The following EDAR variants were observed in gnomAD, a reference collection of about 807,000 sequenced individuals.
The protein encoded by EDAR is tumor necrosis factor receptor superfamily member EDAR.
A neutral mutation model predicts 51.3 loss-of-function variants in EDAR; 38 were observed. The ratio of observed to expected loss-of-function variants is 0.74; its 90% CI spans 0.57 to 0.97. EDAR has a LOEUF of 0.97. EDAR is among the 50% of genes least tolerant of loss of function. The pLI, the probability that EDAR is intolerant of heterozygous loss-of-function variation, is 0.00. For missense variants in EDAR, 528 were observed against 595.0 expected, an observed-to-expected ratio of 0.89 and a Z score of 1.17; for synonymous variants, 227 against 242.1, an observed-to-expected ratio of 0.94 and a Z score of 0.58.
chr2:108,905,649 G>A (rs1005182474), intron 11 of EDAR, among the ~76,000 whole-genome samples: 1 of 152,178 alleles, frequency 6.6e-6, no homozygotes, highest in African/African-American at 2.4e-5. Flanking sequence ...GAGTCCAGCA[G>A]CAGGAAAACC....
chr2:108,984,238 C>G (rs1435566863), intron 1 of EDAR, among the ~76,000 whole-genome samples: 2 of 152,096 alleles, frequency 1.3e-5, no homozygotes, highest in Non-Finnish European at 2.9e-5. Context: ...GCCAAGCCAA[C>G]TCTCCCAGGA....
intron 1 of EDAR, among the ~76,000 whole-genome samples, chr2:108,974,329 C>CAAAAAAAAAAAAAAAAAAAAAAAA (rs11346592): frequency 1.6e-5 from 1 of 61,496 alleles, no homozygotes. Flanking sequence ...GGATCCGTCT[C>CAAAAAAAAAAAAAAAAAAAAAAAA]AAAAAAAAAA....
intron 1 of EDAR, among the ~76,000 whole-genome samples, chr2:108,951,633 G>T: frequency 6.6e-6 from 1 of 152,114 alleles, no homozygotes; most frequent in African/African-American, 2.4e-5. Flanking sequence ...CACTGGATCA[G>T]GATGGGGCCT....
intron 1 of EDAR, among the ~76,000 whole-genome samples, chr2:108,948,499 A>C (rs1697758036): frequency 6.6e-6 from 1 of 152,164 alleles, no homozygotes; most frequent in African/African-American, 2.4e-5. Context: ...AGACTGGGTA[A>C]TTTATAAAGA....
intron 1 of EDAR, among the ~76,000 whole-genome samples, chr2:108,937,713 GTGTA>G (rs1184229360): frequency 2.0e-5 from 3 of 152,110 alleles, no homozygotes. Context: ...GTGTATGTGT[GTGTA>G]TGTGTGTGTG....
chr2:108,974,393 C>T (rs1158688401), intron 1 of EDAR, among the ~76,000 whole-genome samples: 3 of 146,352 alleles, frequency 2.0e-5, no homozygotes, highest in African/African-American at 5.0e-5. Context: ...GTCTTAGACA[C>T]GATGGTACCC....
chr2:108,937,598 G>A (rs917177959), intron 1 of EDAR, among the ~76,000 whole-genome samples: 1 of 144,106 alleles, frequency 6.9e-6, no homozygotes, highest in Non-Finnish European at 1.5e-5. Flanking sequence ...ATTTGTATAT[G>A]AGTGTGTGTA....
chr2:108,985,484 T>C (rs1033848780), intron 1 of EDAR, among the ~76,000 whole-genome samples: 1 of 152,254 alleles, frequency 6.6e-6, no homozygotes, highest in Non-Finnish European at 1.5e-5. Context: ...ACGGCCCACC[T>C]GTTTTCCATA....
At position 108,896,544 on chromosome 2, in the gene EDAR, GACA is replaced by G. The variant is rs1696595492; in HGVS notation, c.*360_*362del. The G allele has an allele frequency of 4.3e-6, 1 of 234,040 alleles. No individual in the cohort carries two copies. Among genetic ancestry groups the G allele is most frequent in the African/African-American group, 2.2e-5 (1 of 45,198 alleles). The allele number at this position is 234,040 out of a possible 1,614,324, so 14.5% of individuals were successfully genotyped here. On this transcript the variant is annotated 3_prime_UTR_variant, in exon 12 of 12. Transcript: ENST00000258443. ...TCTACTGGAGTGCAAACTCCTTAAA[GACA>G]GGGACCAGATTCTTCACTTCTGTCA... is the stretch of plus-strand genomic sequence containing the variant.
At chr2:108,961,729 G>C (rs565659573) in intron 1 of EDAR, among the ~76,000 whole-genome samples, 1 of 152,148 alleles carries the variant, frequency 6.6e-6, no homozygotes, top group African/African-American at 2.4e-5. Flanking sequence ...GGAAAAGCCT[G>C]GGGAGGCTTC....
chr2:108,960,712 T>C (rs1415356608), intron 1 of EDAR, among the ~76,000 whole-genome samples: 2 of 152,256 alleles, frequency 1.3e-5, no homozygotes, highest in South Asian at 2.1e-4. Context: ...TCCTACCATA[T>C]GGAAACATTA....
rs138069099 is a variant in EDAR, at chr2:108,930,772, C to T, written c.51+192G>A. ...GAGACCCTATGAAGGGAGCTACCAA[C>T]GAAATCAATGTAACTTCAGCCTGGG... is the stretch of plus-strand genomic sequence containing the variant. On this transcript the variant is annotated intron_variant, in intron 2 of 11. Transcript: ENST00000258443. Among the ~76,000 whole-genome samples the T allele has an allele frequency of 7.3e-3, 1,110 of 152,304 alleles. 10 individuals are homozygous for T. The highest frequency in any genetic ancestry group is 0.026 in the African/African-American group (1,067 of 41,560).
intron 5 of EDAR, among the ~76,000 whole-genome samples, chr2:108,919,230 C>T (rs994924609): frequency 3.3e-5 from 5 of 152,186 alleles, no homozygotes; most frequent in Admixed American, 1.3e-4. Context: ...CACGGGAGTA[C>T]GCAGAGTAGC....
chr2:108,975,702 T>C (rs1433957220), intron 1 of EDAR, among the ~76,000 whole-genome samples: 1 of 152,100 alleles, frequency 6.6e-6, no homozygotes, highest in Admixed American at 6.6e-5. Flanking sequence ...GCCAGAGCCC[T>C]GTGGTGGTCG....
intron 1 of EDAR, among the ~76,000 whole-genome samples, chr2:108,936,834 A>G (rs1697478720): frequency 6.6e-6 from 1 of 152,224 alleles, no homozygotes; most frequent in Admixed American, 6.5e-5. Context: ...CCGGAGCAGG[A>G]GGAAAGCAGA....
At chr2:108,966,436 T>C (rs1574409678) in intron 1 of EDAR, among the ~76,000 whole-genome samples, 1 of 152,216 alleles carries the variant, frequency 6.6e-6, no homozygotes, top group Non-Finnish European at 1.5e-5. Context: ...GAGTGACTCC[T>C]CACAGGGCAC....
Position 108,910,837 on chromosome 2 carries a change from G to C in EDAR, c.669C>G (p.Ser223Arg). The change falls in exon 8 of 12, where the codon AGC becomes AGG. Residue 223 changes from serine (S) to arginine (R), a missense_variant. Ser to Arg is a moderately radical substitution (Grantham distance 110). Transcript: ENST00000258443. Reference protein sequence around the residue: ...TKPSAPACCTSHPGKSVEAQV... With the variant: ...TKPSAPACCTRHPGKSVEAQV... ...GGGCCTCCACGCTCTTCCCCGGGTG[G>C]CTGGTGCAACAGGCTGGGGAGAGAG... The C allele has an allele frequency of 6.2e-7, 1 of 1,614,080 alleles. No homozygotes were observed. The highest frequency in any genetic ancestry group is 1.1e-5 in the South Asian group (1 of 91,070).
intron 11 of EDAR, 41 bp downstream of exon 11, chr2:108,906,267 G>A: frequency 6.2e-7 from 1 of 1,606,618 alleles, no homozygotes; most frequent in African/African-American, 1.4e-5. Flanking sequence ...TCATGTCGGT[G>A]GGGTGGGCAC....
At chr2:108,935,777 CCAGA>C (rs903611539) in intron 1 of EDAR, among the ~76,000 whole-genome samples, 24 of 152,206 alleles carry the variant, frequency 1.6e-4, no homozygotes, top group Non-Finnish European at 3.5e-4. Context: ...AAGGACGGTG[CCAGA>C]CAGATAGGGT....
Sources: allele counts gnomAD v4.1 joint callset (sites outside exome capture counted in the v4.1 genomes callset), GRCh38; gene constraint gnomAD v4.1.1; transcripts MANE v1.5; gene names NCBI Gene and HGNC (gene_info 2026-07-23, HGNC 2026-07-21).